KIRREL3: variants seen among roughly 807,000 people sequenced by gnomAD.
KIRREL3 encodes kin of IRRE-like protein 3.
A neutral mutation model predicts 89.7 loss-of-function variants in KIRREL3; 36 were observed. The ratio of observed to expected loss-of-function variants is 0.40; its 90% CI spans 0.31 to 0.53. The LOEUF (loss-of-function observed/expected upper bound fraction) is 0.53, where lower values mean the gene tolerates loss of function less well. Among genes scored for constraint, KIRREL3 ranks in the 20% least tolerant of loss-of-function variants. The pLI, the probability that KIRREL3 is intolerant of heterozygous loss-of-function variation, is 0.49. For synonymous variants in KIRREL3, 445 were observed against 441.4 expected (o/e 1.01, Z -0.10); for missense variants, 864 against 1,056.6 (o/e 0.82, Z 2.53).
chr11:126,792,130 G>C (rs754105209), intron 1 of KIRREL3, among the ~76,000 whole-genome samples: 1 of 152,102 alleles, frequency 6.6e-6, no homozygotes, highest in Non-Finnish European at 1.5e-5. Flanking sequence ...AAATAAACCC[G>C]GCTCTGAGGA....
rs1377730502 is a variant in KIRREL3, at chr11:126,965,347, C to A, written c.55+35108G>T. Reference sequence around the variant, plus strand: ...GGCATTTACCCATGATAAACTCTACCTTTGGACATCGGTACTCAACTCTTA... The same window carrying A: ...GGCATTTACCCATGATAAACTCTACATTTGGACATCGGTACTCAACTCTTA... On this transcript the variant is annotated intron_variant, in intron 1 of 16. Transcript: ENST00000525144. This position sits in a 1 kb window ranked among gnomAD's most constrained non-coding sequence, Gnocchi z 4.4. 6.6e-6 allele frequency among the ~76,000 whole-genome samples: 1 copy of A among 152,148 alleles called. No homozygotes were observed. Among genetic ancestry groups the A allele is most frequent in the Non-Finnish European group, 1.5e-5 (1 of 68,024 alleles).
At position 126,739,306 on chromosome 11, in the gene KIRREL3, C is replaced by T. The variant is rs1284329108; in HGVS notation, c.56-176394G>A. 6.6e-6 allele frequency among the ~76,000 whole-genome samples: 1 copy of T among 152,220 alleles called. No individual in the cohort carries two copies. Among genetic ancestry groups the T allele is most frequent in the Non-Finnish European group, 1.5e-5 (1 of 68,046 alleles). On this transcript the variant is annotated intron_variant, in intron 1 of 16. Coordinates refer to ENST00000525144, the MANE Select transcript of KIRREL3 (RefSeq NM_032531.4). The surrounding 1 kb of genome is among the most constrained non-coding windows in gnomAD (Gnocchi z 5.5). ...ACTGCCTTTTGGCATGGTTATGGGGCTTCTCTGCAAATTGCTTCATCCTCC... is the reference window on the plus strand; with the variant it reads ...ACTGCCTTTTGGCATGGTTATGGGGTTTCTCTGCAAATTGCTTCATCCTCC...
At chr11:126,864,379 G>A (rs1454221541) in intron 1 of KIRREL3, among the ~76,000 whole-genome samples, 1 of 152,180 alleles carries the variant, frequency 6.6e-6, no homozygotes, top group Non-Finnish European at 1.5e-5. Flanking sequence ...GAAACTTGGA[G>A]AAAGGCAGGT....
chr11:126,517,321 C>G (rs1266748266), intron 4 of KIRREL3, among the ~76,000 whole-genome samples: 5 of 152,348 alleles, frequency 3.3e-5, no homozygotes, highest in Admixed American at 6.5e-5. Flanking sequence ...CCTTAAGGAC[C>G]TTGCCCAAGG....
chr11:126,944,629 G>GACTT (rs1348005767), intron 1 of KIRREL3, among the ~76,000 whole-genome samples: 2 of 152,130 alleles, frequency 1.3e-5, no homozygotes, highest in African/African-American at 4.8e-5. Context: ...CACGCCTTGA[G>GACTT]ACTTCCACTG....
rs1048205492 is a variant in KIRREL3, at chr11:126,530,199, C to G, written c.134-3512G>C. Among the ~76,000 whole-genome samples, 5 of 152,116 alleles carry G rather than the reference C, an allele frequency of 3.3e-5. No individual in the cohort carries two copies. The highest frequency in any genetic ancestry group is 4.4e-5 in the Non-Finnish European group (3 of 68,028). On this transcript the variant is annotated intron_variant, in intron 2 of 16. Coordinates refer to ENST00000525144, the MANE Select transcript of KIRREL3 (RefSeq NM_032531.4). This position sits in a 1 kb window ranked among gnomAD's most constrained non-coding sequence, Gnocchi z 5.8. ...CTCCCGGTTCAAGTGATTCTCCTGC[C>G]TCAGCCTCCTGAGCAGCTGGGATTA...
rs1455713875 is a variant in KIRREL3, at chr11:126,486,095, G to A, written c.434-12629C>T. ...AGGAGACAGACGTTTCATTAATAAT[G>A]AGTAGGGATGTAAGTCTCAGGCTGT... is the stretch of plus-strand genomic sequence containing the variant. On this transcript the variant is annotated intron_variant, in intron 4 of 16. Transcript: ENST00000525144. This position sits in a 1 kb window ranked among gnomAD's most constrained non-coding sequence, Gnocchi z 6.2. Among the ~76,000 whole-genome samples the A allele has an allele frequency of 6.6e-6, 1 of 152,258 alleles. No individual in the cohort carries two copies. The highest frequency in any genetic ancestry group is 2.4e-5 in the African/African-American group (1 of 41,468).
Position 126,432,650 on chromosome 11 carries a change from G to A in KIRREL3, c.1589-1124C>T, listed in dbSNP as rs1040974467. Among the ~76,000 whole-genome samples, 1 of 151,700 alleles carries A rather than the reference G, an allele frequency of 6.6e-6. No individual in the cohort carries two copies. Among genetic ancestry groups the A allele is most frequent in the Non-Finnish European group, 1.5e-5 (1 of 67,986 alleles). On this transcript the variant is annotated intron_variant, in intron 13 of 16. Transcript: ENST00000525144. This position sits in a 1 kb window ranked among gnomAD's most constrained non-coding sequence, Gnocchi z 6.2. ...GAGATCCCCCACATCTCATGTGCTC[G>A]GTACCGCCCAGACTGCTGCTGCTCC...
At position 126,715,815 on chromosome 11, in the gene KIRREL3, G is replaced by C. The variant is rs1404990118; in HGVS notation, c.56-152903C>G. 1.3e-5 allele frequency among the ~76,000 whole-genome samples: 2 copies of C among 152,168 alleles called. No homozygotes were observed. The highest frequency in any genetic ancestry group is 4.8e-5 in the African/African-American group (2 of 41,438). On this transcript the variant is annotated intron_variant, in intron 1 of 16. Coordinates refer to ENST00000525144, the MANE Select transcript of KIRREL3 (RefSeq NM_032531.4). This position sits in a 1 kb window ranked among gnomAD's most constrained non-coding sequence, Gnocchi z 4.4. ...CATCCACGATGAACACGGTTGCAGA[G>C]AGGCCAGTGTTCCACCGTCAAGAGC...
chr11:126,713,887 C>T (rs976582996), intron 1 of KIRREL3, among the ~76,000 whole-genome samples: 3 of 152,018 alleles, frequency 2.0e-5, no homozygotes, highest in South Asian at 2.1e-4. Flanking sequence ...AGGGGGAGCA[C>T]AGTGCTTGGA....
intron 1 of KIRREL3, among the ~76,000 whole-genome samples, chr11:126,585,825 G>T (rs1433273025): frequency 6.6e-6 from 1 of 152,228 alleles, no homozygotes; most frequent in Non-Finnish European, 1.5e-5. Flanking sequence ...AACGACCGTC[G>T]CTCTCGTTAA....
intron 1 of KIRREL3, among the ~76,000 whole-genome samples, chr11:126,648,230 G>T (rs146062605): frequency 1.3e-5 from 2 of 152,276 alleles, no homozygotes; most frequent in African/African-American, 4.8e-5. Flanking sequence ...CTACAGAACC[G>T]TGAGTCAATT....
rs527280644 is a variant in KIRREL3 at position 126,429,352 on chromosome 11, C to T, written c.1697-64G>A. ...TTCTTACCTTTGAGATGTCAAGCTC[C>T]CTTGCAGTCCCCTGCCCCTGCCCTG... On this transcript the variant is annotated intron_variant, in intron 14 of 16. Transcript: ENST00000525144. The surrounding 1 kb of genome is among the most constrained non-coding windows in gnomAD (Gnocchi z 5.2). The T allele has an allele frequency of 1.7e-6, 2 of 1,171,564 alleles. No individual in the cohort carries two copies. The highest frequency in any genetic ancestry group is 2.4e-5 in the East Asian group (1 of 41,488). The allele number at this position is 1,171,564 out of a possible 1,614,324, so 72.6% of individuals were successfully genotyped here.
intron 1 of KIRREL3, among the ~76,000 whole-genome samples, chr11:126,650,888 C>A (rs1328226570): frequency 6.6e-6 from 1 of 152,176 alleles, no homozygotes; most frequent in Non-Finnish European, 1.5e-5. Context: ...ACTGGACTTA[C>A]AGTTCCACAT....
chr11:126,546,971 T>C (rs1938858585), intron 2 of KIRREL3, among the ~76,000 whole-genome samples: 1 of 152,160 alleles, frequency 6.6e-6, no homozygotes, highest in Non-Finnish European at 1.5e-5. Context: ...AACATTATTA[T>C]TGTTATTTGT....
Position 126,564,195 on chromosome 11 carries a change from C to G in KIRREL3, c.56-1283G>C, listed in dbSNP as rs763584602. Among the ~76,000 whole-genome samples the G allele has an allele frequency of 6.6e-5, 10 of 152,234 alleles. No individual in the cohort carries two copies. Among genetic ancestry groups the G allele is most frequent in the African/African-American group, 2.4e-4 (10 of 41,470 alleles). ...TGATGCATCACAGCACCTTCTCCCA[C>G]GACACCGACTGCCTCCCTGAACCCA... is the stretch of plus-strand genomic sequence containing the variant. On this transcript the variant is annotated intron_variant, in intron 1 of 16. Transcript: ENST00000525144. The surrounding 1 kb of genome is among the most constrained non-coding windows in gnomAD (Gnocchi z 7.4).
intron 10 of KIRREL3, 59 bp downstream of exon 10, chr11:126,444,920 A>T: frequency 6.2e-7 from 1 of 1,603,982 alleles, no homozygotes; most frequent in South Asian, 1.1e-5. Flanking sequence ...CCTGGTGCCA[A>T]GATGCCTGAG....
At chr11:126,442,268 AAAAAC>A (rs1955597558) in intron 10 of KIRREL3, among the ~76,000 whole-genome samples, 1 of 100,806 alleles carries the variant, frequency 9.9e-6, no homozygotes, top group Non-Finnish European at 2.4e-5. Context: ...CTCAAAAAAA[AAAAAC>A]AAAAAAAAAA....
At position 126,996,964 on chromosome 11, in the gene KIRREL3, C is replaced by T. The variant is rs73018716; in HGVS notation, c.55+3491G>A. 0.056 allele frequency among the ~76,000 whole-genome samples: 8,557 copies of T among 152,150 alleles called. 664 individuals are homozygous for T. Among genetic ancestry groups the T allele is most frequent in the East Asian group, 0.41 (2,120 of 5,124 alleles). On this transcript the variant is annotated intron_variant, in intron 1 of 16. Coordinates refer to ENST00000525144, the MANE Select transcript of KIRREL3 (RefSeq NM_032531.4). This position sits in a 1 kb window ranked among gnomAD's most constrained non-coding sequence, Gnocchi z 4.7. The stretch of plus-strand genomic sequence containing the variant: ...GGGAAGAGACCACCTTTCTTAAGAG[C>T]GAGTGTCTGGAGTAGAAGGCGCCAA...
Sources: gnomAD v4.1 joint callset for allele counts (sites outside exome capture counted in the v4.1 genomes callset) on GRCh38, gnomAD v4.1.1 for gene constraint, Gnocchi (gnomAD v3.1) non-coding constraint, MANE v1.5 for transcripts, NCBI Gene and HGNC (gene_info 2026-07-23, HGNC 2026-07-21) for gene names.